The following NALCN variants were observed in gnomAD, a reference collection of about 807,000 sequenced individuals.
NALCN encodes the protein sodium leak channel NALCN.
A neutral mutation model predicts 225.3 loss-of-function variants in NALCN; 111 were observed. The observed-to-expected ratio is 0.49, with a 90% CI of 0.42 to 0.58. The LOEUF (loss-of-function observed/expected upper bound fraction) is 0.58, where lower values mean the gene tolerates loss of function less well. Among genes scored for constraint, NALCN ranks in the 20% least tolerant of loss-of-function variants. The pLI is 0.00. For missense variants in NALCN, 1,378 were observed against 2,202.4 expected (o/e 0.63, Z 7.49); for synonymous variants, 764 against 769.0 (o/e 0.99, Z 0.11).
At chr13:101,237,707 C>G in intron 12 of NALCN, 48 bp downstream of exon 12, 1 of 1,312,166 alleles carries the variant, frequency 7.6e-7, no homozygotes, top group Non-Finnish European at 1.0e-6. Context: ...GGTATTTACT[C>G]TGGAAATAAA....
chr13:101,319,654 A>G (rs1169001957), intron 7 of NALCN, among the ~76,000 whole-genome samples: 1 of 152,226 alleles, frequency 6.6e-6, no homozygotes, highest in African/African-American at 2.4e-5. Context: ...TGATGAGAAA[A>G]AAAGGTAAAA....
chr13:101,161,491 T>C (rs1250636346), intron 15 of NALCN, among the ~76,000 whole-genome samples: 1 of 152,192 alleles, frequency 6.6e-6, no homozygotes, highest in Non-Finnish European at 1.5e-5. Flanking sequence ...AAGTCCCTCT[T>C]GATTTTATTT....
At chr13:101,304,019 A>G (rs1426830211) in intron 7 of NALCN, among the ~76,000 whole-genome samples, 1 of 152,226 alleles carries the variant, frequency 6.6e-6, no homozygotes, top group Admixed American at 6.5e-5. Context: ...TTCAGAAGGT[A>G]TAACTCACTG....
At position 101,083,131 on chromosome 13, in the gene NALCN, T is replaced by A; in HGVS notation, c.3651A>T (p.Ala1217=). 3.1e-6 allele frequency: 5 copies of A among 1,614,152 alleles called. No homozygotes were observed. The highest frequency in any genetic ancestry group is 3.4e-6 in the Non-Finnish European group (4 of 1,180,000). ...ACACCGACTGGGCCAGGACGAGTAA[T>A]GCGATTGTCCTCTTAAAAAATGGAT... The part of the protein sequence containing the change: ...TQHPFFKRTI[A]LLVLAQSVLL... The change falls in exon 32 of 44, where the codon GCA becomes GCT. Residue 1217 remains alanine (A), a synonymous_variant. Coordinates refer to ENST00000251127, the MANE Select transcript of NALCN (RefSeq NM_052867.4).
At chr13:101,291,929 G>C (rs752275916) in intron 9 of NALCN, 61 bp downstream of exon 9, 30 of 1,521,340 alleles carry the variant, frequency 2.0e-5, no homozygotes, top group Non-Finnish European at 2.7e-5. Context: ...GTCCACTGAT[G>C]GTGAGGGTGA....
intron 11 of NALCN, among the ~76,000 whole-genome samples, chr13:101,255,394 T>C (rs1370617885): frequency 6.6e-6 from 1 of 152,204 alleles, no homozygotes; most frequent in Non-Finnish European, 1.5e-5. Context: ...CTGTTGCCAG[T>C]GTGGAGGGCC....
intron 9 of NALCN, among the ~76,000 whole-genome samples, chr13:101,287,192 G>T (rs920454198): frequency 6.6e-6 from 1 of 152,078 alleles, no homozygotes; most frequent in African/African-American, 2.4e-5. Flanking sequence ...TTTACTTTTG[G>T]ATACATATTG....
At chr13:101,199,215 C>G (rs1433526262) in intron 13 of NALCN, among the ~76,000 whole-genome samples, 1 of 151,662 alleles carries the variant, frequency 6.6e-6, no homozygotes, top group African/African-American at 2.4e-5. Context: ...GTACAGCACA[C>G]CAACATGGCA....
intron 7 of NALCN, among the ~76,000 whole-genome samples, chr13:101,326,469 C>T (rs986601069): frequency 1.3e-5 from 2 of 152,184 alleles, no homozygotes; most frequent in Non-Finnish European, 2.9e-5. Flanking sequence ...CTCTACTTCC[C>T]AGACGACTAC....
chr13:101,091,111 T>TC (rs1566802600), intron 28 of NALCN, among the ~76,000 whole-genome samples: 2 of 152,188 alleles, frequency 1.3e-5, no homozygotes, highest in African/African-American at 4.8e-5. Flanking sequence ...CAGTGGCTTT[T>TC]CCCCCTCTTT....
At chr13:101,319,428 A>T (rs895521032) in intron 7 of NALCN, among the ~76,000 whole-genome samples, 1 of 152,200 alleles carries the variant, frequency 6.6e-6, no homozygotes, top group Non-Finnish European at 1.5e-5. Flanking sequence ...CTTCTGAAAG[A>T]TGAAACCTTC....
intron 10 of NALCN, among the ~76,000 whole-genome samples, chr13:101,278,431 G>T (rs1003793489): frequency 2.0e-5 from 3 of 149,646 alleles, no homozygotes; most frequent in Non-Finnish European, 4.4e-5. Flanking sequence ...GCTGAGGCAG[G>T]AGAATCACTT....
chr13:101,286,526 C>G (rs541600714), intron 9 of NALCN, among the ~76,000 whole-genome samples: 40 of 152,152 alleles, frequency 2.6e-4, no homozygotes, highest in African/African-American at 9.4e-4. Flanking sequence ...TGTCTGGATC[C>G]GTGGCAACAC....
At chr13:101,181,458 C>G in intron 14 of NALCN, 1 of 397,384 alleles carries the variant, frequency 2.5e-6, no homozygotes. Flanking sequence ...CAAGTTTAAA[C>G]TGGCTCAGCT....
intron 11 of NALCN, among the ~76,000 whole-genome samples, chr13:101,245,176 G>T (rs988411491): frequency 6.6e-6 from 1 of 152,116 alleles, no homozygotes; most frequent in Non-Finnish European, 1.5e-5. Flanking sequence ...CACCAAGAAG[G>T]GCTCATTGGG....
intron 1 of NALCN, among the ~76,000 whole-genome samples, chr13:101,406,291 C>G (rs904930832): frequency 2.0e-5 from 3 of 151,950 alleles, no homozygotes; most frequent in African/African-American, 7.3e-5. Flanking sequence ...ATACTACTGC[C>G]CCTCAGCCTG....
At chr13:101,304,944 T>G (rs1268344665) in intron 7 of NALCN, among the ~76,000 whole-genome samples, 1 of 151,436 alleles carries the variant, frequency 6.6e-6, no homozygotes, top group Non-Finnish European at 1.5e-5. Flanking sequence ...TTAGTAGAGA[T>G]GGGGGTTTCA....
At chr13:101,391,396 G>T (rs1218809050) in intron 3 of NALCN, among the ~76,000 whole-genome samples, 2 of 152,204 alleles carry the variant, frequency 1.3e-5, no homozygotes, top group Non-Finnish European at 2.9e-5. Flanking sequence ...GAAACAGACA[G>T]TTTTGACTGA....
At chr13:101,213,748 C>T (rs1193606402) in intron 13 of NALCN, among the ~76,000 whole-genome samples, 2 of 152,150 alleles carry the variant, frequency 1.3e-5, no homozygotes, top group East Asian at 3.8e-4. Flanking sequence ...AATGAGATGC[C>T]ATCTCACACC....
Sources: allele counts gnomAD v4.1 joint callset (sites outside exome capture counted in the v4.1 genomes callset), GRCh38; gene constraint gnomAD v4.1.1; transcripts MANE v1.5; gene names NCBI Gene and HGNC (gene_info 2026-07-23, HGNC 2026-07-21).